PRPF31: variants seen among roughly 807,000 people sequenced by gnomAD.
PRPF31 encodes the protein pre-mRNA processing factor 31.
In PRPF31, 12 loss-of-function variants were observed where a neutral mutation model predicts 60.4. The observed-to-expected ratio is 0.20, with a 90% CI of 0.13 to 0.32. The LOEUF (loss-of-function observed/expected upper bound fraction) is 0.32, where lower values mean the gene tolerates loss of function less well. Among genes scored for constraint, PRPF31 ranks in the 10% least tolerant of loss-of-function variants. PRPF31 has a pLI of 1.00. For synonymous variants in PRPF31, 287 were observed against 287.9 expected (o/e 1.00, Z 0.03); for missense variants, 431 against 687.1 (o/e 0.63, Z 4.17).
rs1428507309 is a variant in PRPF31, at chr19:54,119,885, G to A, written c.238+1252G>A. ...AGTGTAGTGAGAGGGCAGAGTTTCG[G>A]GAGACTCACTGCTTGCTTTCTTTAA... On this transcript the variant is annotated intron_variant, in intron 3 of 13. Transcript: ENST00000321030. The A allele has an allele frequency of 2.0e-5, 3 of 152,238 alleles. No individual in the cohort carries two copies. The East Asian group carries it at 5.8e-4, about 29-fold the overall frequency. 9.4% of individuals were successfully genotyped at this position (152,238 alleles called of 1,614,324 possible).
Position 54,129,178 on chromosome 19 carries a change from C to T in PRPF31, c.1268C>T (p.Thr423Met), listed in dbSNP as rs753277924. ...GCCACCAAGGCCAGGATCTCCAAGA[C>T]GCTGCAGGTATGGGCCAGACCCAGG... ...NEATKARISK[T>M]LQRTLQKQSV... Residue 423 changes from threonine (T) to methionine (M), a missense_variant, in exon 12 of 14, where the codon ACG becomes ATG. By Grantham distance (81) the Thr-to-Met change is moderately conservative. Transcript: ENST00000321030. The T allele has an allele frequency of 3.8e-5, 61 of 1,587,884 alleles. No homozygotes were observed. The highest frequency in any genetic ancestry group is 4.6e-5 in the Non-Finnish European group (54 of 1,167,672).
At chr19:54,117,211 T>A (rs1198628511) in intron 1 of PRPF31, among the ~76,000 whole-genome samples, 1 of 152,184 alleles carries the variant, frequency 6.6e-6, no homozygotes, top group Non-Finnish European at 1.5e-5. Flanking sequence ...CAACTCAAGT[T>A]TCTGCTACTC....
chr19:54,119,178 C>T (rs967134542), intron 3 of PRPF31, among the ~76,000 whole-genome samples: 2 of 151,986 alleles, frequency 1.3e-5, no homozygotes, highest in African/African-American at 2.4e-5. Context: ...TTCAGGAGAT[C>T]GAGACCATCC....
At chr19:54,117,968 G>C (rs2073691324) in intron 1 of PRPF31, among the ~76,000 whole-genome samples, 1 of 152,154 alleles carries the variant, frequency 6.6e-6, no homozygotes, top group African/African-American at 2.4e-5. Context: ...TTCAAAGTAT[G>C]TTTTCAAGGC....
At chr19:54,120,783 C>A (rs1301044389) in intron 3 of PRPF31, among the ~76,000 whole-genome samples, 4 of 151,696 alleles carry the variant, frequency 2.6e-5, no homozygotes, top group African/African-American at 9.7e-5. Flanking sequence ...AATTTTTTTT[C>A]TTTAATTATG....
In PRPF31 at chr19:54,124,373, G is replaced by A. The variant is rs587759846; in HGVS notation, c.698-126G>A. 2.6e-5 allele frequency: 25 copies of A among 949,846 alleles called. No homozygotes were observed. In the East Asian group the frequency reaches 4.6e-4, roughly 17 times the overall value. The allele number at this position is 949,846 out of a possible 1,614,324, so 58.8% of individuals were successfully genotyped here. On this transcript the variant is annotated intron_variant, in intron 7 of 13. Coordinates refer to ENST00000321030, the MANE Select transcript of PRPF31 (RefSeq NM_015629.4). The stretch of plus-strand genomic sequence containing the variant: ...AGGTCGCCCGCCTGGCAGGGCCATC[G>A]AGGAATCCAACCAGAACTTCATGTA...
chr19:54,119,325 T>C (rs1309004012), intron 3 of PRPF31, among the ~76,000 whole-genome samples: 1 of 150,238 alleles, frequency 6.7e-6, no homozygotes, highest in African/African-American at 2.5e-5. Flanking sequence ...GAGCTTGCAG[T>C]GAGCCGAGAT....
At chr19:54,124,700 C>T (rs368508378) in intron 8 of PRPF31, 44 bp downstream of exon 8, 2 of 1,597,038 alleles carry the variant, frequency 1.3e-6, no homozygotes, top group South Asian at 1.1e-5. Flanking sequence ...CCCCCTGGAG[C>T]CTTCCGCTGT....
rs79063762 is a variant in PRPF31, at chr19:54,126,271, C to T, written c.856-257C>T. On this transcript the variant is annotated intron_variant, in intron 8 of 13. Coordinates refer to ENST00000321030, the MANE Select transcript of PRPF31 (RefSeq NM_015629.4). ...CCCCCGGCGTCTCCACAGTCACCAC[C>T]GTCCTCGTTGTCAGCGTGCCTTACT... 4.3e-3 allele frequency among the ~76,000 whole-genome samples: 661 copies of T among 152,324 alleles called. 4 individuals carry two copies. Among genetic ancestry groups the T allele is most frequent in the African/African-American group, 0.015 (617 of 41,576 alleles).
chr19:54,122,965 G>A (rs751089891), intron 5 of PRPF31: 5 of 468,700 alleles, frequency 1.1e-5, no homozygotes, highest in East Asian at 4.2e-5. Context: ...GAAGTGAGGC[G>A]GGGAAGGAGG....
chr19:54,120,973 C>A (rs1213457291), intron 3 of PRPF31, among the ~76,000 whole-genome samples: 1 of 152,060 alleles, frequency 6.6e-6, no homozygotes, highest in Non-Finnish European at 1.5e-5. Flanking sequence ...AAGGGATGCT[C>A]TGGGGAGAGG....
intron 3 of PRPF31, among the ~76,000 whole-genome samples, chr19:54,119,359 G>A (rs1351931720): frequency 6.6e-6 from 1 of 151,102 alleles, no homozygotes; most frequent in African/African-American, 2.4e-5. Flanking sequence ...TCCAGCCTGG[G>A]CGACAGAGCA....
At chr19:54,122,108 G>T (rs1382697827) in intron 4 of PRPF31, 165 bp downstream of exon 4, 2 of 778,378 alleles carry the variant, frequency 2.6e-6, no homozygotes, top group African/African-American at 3.4e-5. Context: ...GCGTTCTCTC[G>T]CGTATGAGTC....
intron 13 of PRPF31, among the ~76,000 whole-genome samples, chr19:54,130,624 CAA>C (rs766640833): frequency 1.8e-4 from 17 of 96,080 alleles, no homozygotes; most frequent in Admixed American, 2.3e-4. Context: ...GACTCTGTCT[CAA>C]AAAAAAAAAA....
chr19:54,121,269 C>T (rs2073780836), intron 3 of PRPF31, among the ~76,000 whole-genome samples: 1 of 149,112 alleles, frequency 6.7e-6, no homozygotes, highest in Non-Finnish European at 1.5e-5. Flanking sequence ...TGCCACTATA[C>T]TCTAGCCTGG....
chr19:54,118,367 C>T lies in PRPF31; in HGVS notation c.89C>T (p.Pro30Leu), dbSNP rs758451671. 24 of 1,613,974 alleles carry T rather than the reference C, an allele frequency of 1.5e-5. No individual in the cohort carries two copies. The highest frequency in any genetic ancestry group is 1.9e-5 in the Non-Finnish European group (23 of 1,179,952). The change falls in exon 2 of 14, where the codon CCA becomes CTA. Residue 30 changes from proline (P) to leucine (L), a missense_variant. Around this residue, in one of 4 missense-constraint regions of PRPF31, gnomAD observed 113 missense variants for 173.8 expected, o/e 0.65. Coordinates refer to ENST00000321030, the MANE Select transcript of PRPF31 (RefSeq NM_015629.4). ...GGSYGEEEEE[P>L]AIEDVQEETQ... is the part of the protein sequence containing the mutation. ...AGCTATGGGGAGGAAGAAGAGGAGC[C>T]AGCGATCGAGGATGTGCAGGAGGAG...
intron 4 of PRPF31, 95 bp from the exon 5 acceptor site, chr19:54,122,402 A>G: frequency 1.1e-6 from 1 of 935,522 alleles, no homozygotes. Context: ...CCAGGGCTTC[A>G]GTTACTAAAG....
At chr19:54,128,504 C>A (rs1003306674) in intron 11 of PRPF31, 127 bp downstream of exon 11, 8 of 955,516 alleles carry the variant, frequency 8.4e-6, no homozygotes, top group Admixed American at 8.3e-5. Flanking sequence ...CCCCAGCCTC[C>A]CCCCCCCCGG....
At chr19:54,126,705 C>A in intron 9 of PRPF31, 88 bp downstream of exon 9, 3 of 1,288,530 alleles carry the variant, frequency 2.3e-6, no homozygotes, top group Middle Eastern at 3.9e-4. Context: ...AGGGAGCCCA[C>A]CCCAGCGAGC....
Sources: gnomAD v4.1 joint callset for allele counts (sites outside exome capture counted in the v4.1 genomes callset) on GRCh38, gnomAD v4.1.1 for gene constraint, gnomAD v4.1.1 regional missense constraint, MANE v1.5 for transcripts, NCBI Gene and HGNC (gene_info 2026-07-23, HGNC 2026-07-21) for gene names.